SON: variants seen among roughly 807,000 people sequenced by gnomAD.
SON encodes the protein SON DNA and RNA binding protein, also known as protein SON.
In SON, 4 loss-of-function variants were observed where a neutral mutation model predicts 173.3. The ratio of observed to expected loss-of-function variants is 0.02; its 90% CI spans 0.01 to 0.05. The LOEUF (loss-of-function observed/expected upper bound fraction) is 0.05, where lower values mean the gene tolerates loss of function less well. Ranked by LOEUF, SON falls within the 10% of genes least tolerant of loss-of-function variation. The probability of loss-of-function intolerance (pLI) is 1.00; values close to 1 mark genes in which losing one functional copy is unlikely to be tolerated. For missense variants in SON, 2,626 were observed against 3,055.3 expected, an observed-to-expected ratio of 0.86 and a Z score of 3.31; for synonymous variants, 1,190 against 1,105.9, an observed-to-expected ratio of 1.08 and a Z score of -1.51.
At position 33,550,811 on chromosome 21, in the gene SON, A is replaced by T. The variant is rs146426583; in HGVS notation, c.1580A>T (p.His527Leu). The part of the protein sequence containing the change: ...VGMTTVEHPG[H>L]PEVTTATGLL... ...ATGACAACGGTGGAACATCCTGGGC[A>T]TCCTGAGGTGACAACGGCAACAGGG... The change falls in exon 3 of 12, where the codon CAT becomes CTT. Residue 527 changes from histidine (H) to leucine (L), a missense_variant. His to Leu is a moderately conservative substitution (Grantham distance 99). This residue lies in a region of SON where 757 missense variants were observed against 730.1 expected (regional missense o/e 1.04). Transcript: ENST00000356577. 1.2e-6 allele frequency: 2 copies of T among 1,614,108 alleles called. No homozygotes were observed. The highest frequency in any genetic ancestry group is 1.7e-6 in the Non-Finnish European group (2 of 1,179,946).
intron 7 of SON, 29 bp from the exon 8 acceptor site, chr21:33,568,942 A>G (rs773344680): frequency 4.1e-5 from 55 of 1,328,222 alleles, no homozygotes; most frequent in Non-Finnish European, 3.8e-5. Flanking sequence ...AATTTTACTT[A>G]GTTAACTGAG....
Position 33,559,987 on chromosome 21 carries a change from A to C in SON, c.6657+212A>C. The C allele has an allele frequency of 1.2e-6, 2 of 1,614,226 alleles. No homozygotes were observed. Among genetic ancestry groups the C allele is most frequent in the South Asian group, 1.1e-5 (1 of 91,082 alleles). ...TTTGTGGAACCAAGCCACAAAGTGAAAAGCATCGAATTGCAGAGAACAGTG... is the reference window on the plus strand; with the variant it reads ...TTTGTGGAACCAAGCCACAAAGTGACAAGCATCGAATTGCAGAGAACAGTG... On this transcript the variant is annotated intron_variant, in intron 6 of 11. Transcript: ENST00000356577. This position sits in a 1 kb window ranked among gnomAD's most constrained non-coding sequence, Gnocchi z 4.1.
At chr21:33,549,434 C>T (rs560031941) in intron 2 of SON, 42 bp from the exon 3 acceptor site, 8 of 1,476,530 alleles carry the variant, frequency 5.4e-6, no homozygotes, top group Middle Eastern at 2.5e-4. Flanking sequence ...TCTAACTCTA[C>T]TTTGGGGAAT....
rs761865575 is a variant in SON at position 33,554,230 on chromosome 21, G to A, written c.4999G>A (p.Asp1667Asn). 1.9e-6 allele frequency: 3 copies of A among 1,614,096 alleles called. No individual in the cohort carries two copies. The highest frequency in any genetic ancestry group is 2.5e-6 in the Non-Finnish European group (3 of 1,179,954). ...TTTGCCTGCTAAAGATATTCATCTTGATTTACCATCTAATAATAACCTTGT... is the reference window on the plus strand; with the variant it reads ...TTTGCCTGCTAAAGATATTCATCTTAATTTACCATCTAATAATAACCTTGT... ...GPLPAKDIHL[D>N]LPSNNNLVSK... The change falls in exon 3 of 12, where the codon GAT (aspartate) becomes AAT (asparagine). Residue 1667 changes from aspartate (D) to asparagine (N), a missense_variant. Physicochemically the swap from Asp to Asn is conservative, Grantham distance 23. Coordinates refer to ENST00000356577, the MANE Select transcript of SON (RefSeq NM_138927.4).
chr21:33,549,449 G>A (rs1485545383), intron 2 of SON, 27 bp from the exon 3 acceptor site: 1 of 1,510,802 alleles, frequency 6.6e-7, no homozygotes, highest in Non-Finnish European at 8.8e-7. Flanking sequence ...GGGAATGTCT[G>A]ACAAAATTAA....
chr21:33,574,048 C>A (rs1040305661), intron 9 of SON, among the ~76,000 whole-genome samples: 2 of 152,140 alleles, frequency 1.3e-5, no homozygotes, highest in African/African-American at 4.8e-5. Flanking sequence ...CCTTCAGATA[C>A]CTGGGCAGGG....
At chr21:33,558,687 A>C (rs2086012708) in intron 4 of SON, 1 of 152,156 alleles carries the variant, frequency 6.6e-6, no homozygotes, top group Non-Finnish European at 1.5e-5. Flanking sequence ...CCACCTGACT[A>C]GGATGACTTC....
In SON at chr21:33,554,682, A is replaced by G. The variant is rs376716535; in HGVS notation, c.5451A>G (p.Lys1817=). 7 of 1,613,878 alleles carry G rather than the reference A, an allele frequency of 4.3e-6. No homozygotes were observed. The highest frequency in any genetic ancestry group is 5.9e-6 in the Non-Finnish European group (7 of 1,180,044). ...KNRDKGEKEK[K]RDSSLRSRSK... ...GTGATAAGGGGGAGAAAGAGAAGAAAAGAGACTCTTCATTAAGATCTCGAA... is the reference window on the plus strand; with the variant it reads ...GTGATAAGGGGGAGAAAGAGAAGAAGAGAGACTCTTCATTAAGATCTCGAA... The change falls in exon 3 of 12, where the codon AAA becomes AAG. Residue 1817 remains lysine (K), a synonymous_variant. Coordinates refer to ENST00000356577, the MANE Select transcript of SON (RefSeq NM_138927.4).
chr21:33,544,328 T>G (rs1417976881), intron 1 of SON, among the ~76,000 whole-genome samples: 1 of 152,214 alleles, frequency 6.6e-6, no homozygotes, highest in East Asian at 1.9e-4. Flanking sequence ...CTAGTAGTGT[T>G]TTGGATGAGA....
chr21:33,563,467 C>G (rs566990464), intron 6 of SON, among the ~76,000 whole-genome samples: 1 of 139,930 alleles, frequency 7.1e-6, no homozygotes, highest in Admixed American at 7.3e-5. Flanking sequence ...ATGCTTTTAC[C>G]TTAGGTCTAT....
In SON at chr21:33,553,572, T is replaced by TTCAGAGCCTGCTGTCACAGTC; in HGVS notation, c.4349_4369dup (p.Pro1450_Glu1456dup). The TTCAGAGCCTGCTGTCACAGTC allele has an allele frequency of 8.1e-6, 13 of 1,614,184 alleles. No homozygotes were observed. The highest frequency in any genetic ancestry group is 1.0e-5 in the Non-Finnish European group (12 of 1,180,028). On this transcript the variant is annotated inframe_insertion, in exon 3 of 12. Transcript: ENST00000356577. ...CTGTCCAGGAATCGACTGTGACAGT[T>TTCAGAGCCTGCTGTCACAGTC]TCAGAGCCTGCTGTCACAGTCTCAG...
rs758102251 is a variant in SON at position 33,554,146 on chromosome 21, C to T, written c.4915C>T (p.His1639Tyr). The T allele has an allele frequency of 6.8e-6, 11 of 1,613,954 alleles. No individual in the cohort carries two copies. The highest frequency in any genetic ancestry group is 1.3e-5 in the African/African-American group (1 of 74,908). Residue 1639 changes from histidine to tyrosine, a missense_variant, in exon 3 of 12, where the codon CAT (histidine) becomes TAT (tyrosine). His to Tyr is a moderately conservative substitution (Grantham distance 83). Around this residue, in one of 13 missense-constraint regions of SON, gnomAD observed 1,006 missense variants for 895.6 expected, o/e 1.12. Transcript: ENST00000356577. The part of the protein sequence containing the change: ...DLSLTTQDTE[H>Y]DMVISTSPSG... Reference sequence around the variant, plus strand: ...ATCTTTAACTACTCAAGATACTGAACATGACATGGTAATTTCCACCAGTCC... The same window carrying T: ...ATCTTTAACTACTCAAGATACTGAATATGACATGGTAATTTCCACCAGTCC...
At chr21:33,570,209 T>G (rs1262470279) in intron 8 of SON, 28 of 152,328 alleles carry the variant, frequency 1.8e-4, no homozygotes, top group Non-Finnish European at 7.3e-5. Flanking sequence ...GGCAAGTAAC[T>G]CTTTGGAATT....
Position 33,549,842 on chromosome 21 carries a change from C to T in SON, c.611C>T (p.Thr204Ile). 6.2e-7 allele frequency: 1 copy of T among 1,614,244 alleles called. No individual in the cohort carries two copies. The highest frequency in any genetic ancestry group is 8.5e-7 in the Non-Finnish European group (1 of 1,180,048). ...MEVSEPHILE[T>I]LKPATKTAEL... ...GTATCAGAGCCACACATCTTAGAAA[C>T]TCTGAAGCCAGCTACAAAAACTGCA... Residue 204 changes from threonine to isoleucine, a missense_variant, in exon 3 of 12, where the codon ACT (threonine) becomes ATT (isoleucine). Physicochemically the swap from Thr to Ile is moderately conservative, Grantham distance 89 (BLOSUM62 -1). This residue lies in a region of SON where 757 missense variants were observed against 730.1 expected (regional missense o/e 1.04). Coordinates refer to ENST00000356577, the MANE Select transcript of SON (RefSeq NM_138927.4).
In SON at chr21:33,575,759, G is replaced by A. The variant is rs377297903; in HGVS notation, c.7106-19G>A. 9.5e-5 allele frequency: 149 copies of A among 1,570,852 alleles called. No homozygotes were observed. The African/African-American group carries it at 1.9e-3, about 20-fold the overall frequency. ...GTTGGTGGAAATAATTTAAAACTGG[G>A]TATTTCTCCCCCCTGCAGGCAAACA... On this transcript the variant is annotated intron_variant, in intron 10 of 11. Transcript: ENST00000356577.
In SON at chr21:33,549,523, G is replaced by T; in HGVS notation, c.292G>T (p.Asp98Tyr). The T allele has an allele frequency of 6.3e-7, 1 of 1,576,304 alleles. No individual in the cohort carries two copies. Among genetic ancestry groups the T allele is most frequent in the Non-Finnish European group, 8.6e-7 (1 of 1,168,868 alleles). Residue 98 changes from aspartate (D) to tyrosine (Y), a missense_variant, in exon 3 of 12, where the codon GAT becomes TAT. Coordinates refer to ENST00000356577, the MANE Select transcript of SON (RefSeq NM_138927.4). ...AAGTAGATGCGTATCTGTACAAACA[G>T]ATCCTACTGATGAAATTCCCACTAA... ...RKSRCVSVQT[D>Y]PTDEIPTKKS...
chr21:33,553,238 C>T lies in SON; in HGVS notation c.4007C>T (p.Thr1336Ile), dbSNP rs1334311257. 2 of 1,614,174 alleles carry T rather than the reference C, an allele frequency of 1.2e-6. No individual in the cohort carries two copies. The highest frequency in any genetic ancestry group is 1.7e-5 in the Admixed American group (1 of 60,028). ...STSLLVPAVT[T>I]PVLAESILEP... ...TCCTTGTTGGTTCCAGCAGTAACTA[C>T]TCCAGTGCTGGCAGAGAGCATTCTG... is the stretch of plus-strand genomic sequence containing the variant. The change falls in exon 3 of 12, where the codon ACT becomes ATT. Residue 1336 changes from threonine to isoleucine, a missense_variant. This residue lies in a region of SON where 1,006 missense variants were observed against 895.6 expected (regional missense o/e 1.12). Transcript: ENST00000356577.
Position 33,551,744 on chromosome 21 carries a change from C to G in SON, c.2513C>G (p.Thr838Ser). 1 of 1,612,836 alleles carries G rather than the reference C, an allele frequency of 6.2e-7. No individual in the cohort carries two copies. Among genetic ancestry groups the G allele is most frequent in the Non-Finnish European group, 8.5e-7 (1 of 1,180,008 alleles). ...TSSMDSQMLA[T>S]STMDSQMLAT... The stretch of plus-strand genomic sequence containing the variant: ...TCCATGGACTCCCAGATGTTAGCAA[C>G]CAGCACCATGGATTCTCAGATGTTA... The change falls in exon 3 of 12, where the codon ACC becomes AGC. Residue 838 changes from threonine to serine, a missense_variant. By Grantham distance (58) the Thr-to-Ser change is moderately conservative (BLOSUM62 1). This residue lies in a region of SON where 38 missense variants were observed against 92.1 expected (regional missense o/e 0.41). Transcript: ENST00000356577.
rs772580587 is a variant in SON, at chr21:33,550,730, C to T, written c.1499C>T (p.Ala500Val). The T allele has an allele frequency of 9.3e-6, 15 of 1,614,118 alleles. No homozygotes were observed. The Admixed American group carries it at 2.5e-4, about 27-fold the overall frequency. Residue 500 changes from alanine (A) to valine (V), a missense_variant, in exon 3 of 12, where the codon GCA (alanine) becomes GTA (valine). By Grantham distance (64) the Ala-to-Val change is moderately conservative. Transcript: ENST00000356577. Reference protein sequence around the residue: ...ELPEQPAVTVAMELTEQPVTT... With the variant: ...ELPEQPAVTVVMELTEQPVTT... Reference sequence around the variant, plus strand: ...CCAGAGCAGCCTGCGGTAACAGTAGCAATGGAGTTGACCGAACAACCTGTG... The same window carrying T: ...CCAGAGCAGCCTGCGGTAACAGTAGTAATGGAGTTGACCGAACAACCTGTG...
Sources: allele counts gnomAD v4.1 joint callset (sites outside exome capture counted in the v4.1 genomes callset), GRCh38; gene constraint gnomAD v4.1.1; regional missense constraint gnomAD v4.1.1; non-coding constraint Gnocchi (gnomAD v3.1); transcripts MANE v1.5; gene names NCBI Gene and HGNC (gene_info 2026-07-23, HGNC 2026-07-21).